LAMP1: variants seen among roughly 807,000 people sequenced by gnomAD.
The protein encoded by LAMP1 is lysosome-associated membrane glycoprotein 1.
Under a neutral mutation model 37.5 loss-of-function variants are expected in LAMP1, and 7 were observed. The observed-to-expected ratio is 0.19, with a 90% confidence interval of 0.11 to 0.35. The LOEUF is 0.35. Among genes scored for constraint, LAMP1 ranks in the 10% least tolerant of loss-of-function variants. The pLI is 1.00. For missense variants in LAMP1, 537 were observed against 552.8 expected (o/e 0.97, Z 0.29); for synonymous variants, 236 against 229.1 (o/e 1.03, Z -0.27).
At chr13:113,299,591 C>G (rs1291023775) in intron 1 of LAMP1, among the ~76,000 whole-genome samples, 1 of 126,826 alleles carries the variant, frequency 7.9e-6, no homozygotes, top group Non-Finnish European at 1.6e-5. Context: ...TTTTTTGAGG[C>G]AGAGTCTCAC....
At chr13:113,301,647 ATATATATATATATATATATAT>A (rs2042574566) in intron 1 of LAMP1, among the ~76,000 whole-genome samples, 12 of 394 alleles carry the variant, frequency 0.03, 3 homozygotes, top group African/African-American at 0.055. Context: ...AAAAAAAAAT[ATATATATATATATATATATAT>A]ATATATATAT....
rs916514852 is a variant in LAMP1, at chr13:113,321,034, A to T, written c.877-370A>T. The T allele has an allele frequency of 3.4e-6, 1 of 290,786 alleles. No homozygotes were observed. Among genetic ancestry groups the T allele is most frequent in the African/African-American group, 2.2e-5 (1 of 45,168 alleles). The allele number at this position is 290,786 out of a possible 1,614,324, so 18.0% of individuals were successfully genotyped here. A position where few individuals can be genotyped will look rare whatever the true frequency, so the allele number is the denominator to read the frequency against. On this transcript the variant is annotated intron_variant, in intron 6 of 8. Transcript: ENST00000332556. The surrounding 1 kb of genome is among the most constrained non-coding windows in gnomAD (Gnocchi z 5.6). ...ATTTCTGCAAATAATAAAACGAGTTAGCTGGGCGTAGTGGCGCACACCTGT... is the reference window on the plus strand; with the variant it reads ...ATTTCTGCAAATAATAAAACGAGTTTGCTGGGCGTAGTGGCGCACACCTGT...
At chr13:113,301,647 ATATATATATATAT>A (rs2042574535) in intron 1 of LAMP1, among the ~76,000 whole-genome samples, 1 of 394 alleles carries the variant, frequency 2.5e-3, no homozygotes, top group African/African-American at 4.6e-3. Context: ...AAAAAAAAAT[ATATATATATATAT>A]ATATATATAT....
chr13:113,305,100 A>C (rs1315047755), intron 1 of LAMP1: 1 of 152,256 alleles, frequency 6.6e-6, no homozygotes, highest in African/African-American at 2.4e-5. Flanking sequence ...CCCAAGGTTG[A>C]AATGAGTCGG....
rs570526864 is a variant in LAMP1, at chr13:113,306,969, AG to A, written c.183+364del. On this transcript the variant is annotated intron_variant, in intron 2 of 8. Transcript: ENST00000332556. ...ATTCTCCTGCCTCAGCCTCCCCAGT[AG>A]CTGGGGCTACAGGCGCTCGCCACCA... Among the ~76,000 whole-genome samples the A allele has an allele frequency of 8.3e-5, 12 of 144,814 alleles. No homozygotes were observed. The East Asian group carries it at 2.3e-3, about 28-fold the overall frequency.
At position 113,322,376 on chromosome 13, in the gene LAMP1, C is replaced by CACTGCTTCA; in HGVS notation, c.1209_1210insACTGCTTCA (p.Tyr403_Leu404insThrAlaSer). The CACTGCTTCA allele has an allele frequency of 1.2e-6, 2 of 1,604,132 alleles. No homozygotes were observed. Among genetic ancestry groups the CACTGCTTCA allele is most frequent in the South Asian group, 1.1e-5 (1 of 89,722 alleles). The stretch of plus-strand genomic sequence containing the variant: ...TGGTCCTCATCGTCCTCATCGCCTA[C>CACTGCTTCA]CTCGTCGGCAGGAAGAGGAGTCACG... On this transcript the variant is annotated inframe_insertion, in exon 9 of 9. Transcript: ENST00000332556.
intron 1 of LAMP1, among the ~76,000 whole-genome samples, chr13:113,301,647 ATATATATATATATATAT>A (rs2042574557): frequency 2.5e-3 from 1 of 394 alleles, no homozygotes; most frequent in African/African-American, 4.6e-3. Flanking sequence ...AAAAAAAAAT[ATATATATATATATATAT>A]ATATATATAT....
intron 1 of LAMP1, among the ~76,000 whole-genome samples, chr13:113,303,776 C>T (rs973230084): frequency 1.3e-5 from 2 of 152,062 alleles, no homozygotes; most frequent in African/African-American, 2.4e-5. Flanking sequence ...CTTTGTTTTC[C>T]TCTGAAAGCT....
At position 113,309,593 on chromosome 13, in the gene LAMP1, T is replaced by C; in HGVS notation, c.184-50T>C. 3 of 1,421,178 alleles carry C rather than the reference T, an allele frequency of 2.1e-6. 1 individual carries two copies. In the South Asian group the frequency reaches 3.7e-5, roughly 18 times the overall value. 88.0% of individuals were successfully genotyped at this position (1,421,178 alleles called of 1,614,324 possible). On this transcript the variant is annotated intron_variant, in intron 2 of 8. Transcript: ENST00000332556. ...TACAGAAAATCTCTTTCTTTGAACT[T>C]TTAATAACCTGCATCCCAATTGGGT...
intron 2 of LAMP1, among the ~76,000 whole-genome samples, chr13:113,307,472 G>T (rs937632211): frequency 1.3e-5 from 2 of 152,014 alleles, no homozygotes; most frequent in African/African-American, 4.8e-5. Flanking sequence ...TTTTCTTCGT[G>T]ATTGTCTTTT....
chr13:113,317,385 T>C (rs2042671850), intron 4 of LAMP1, among the ~76,000 whole-genome samples: 1 of 152,220 alleles, frequency 6.6e-6, no homozygotes, highest in Non-Finnish European at 1.5e-5. Flanking sequence ...GTAATTCAGG[T>C]AGAAGGACGA....
In LAMP1 at chr13:113,310,742, G is replaced by A; in HGVS notation, c.437G>A (p.Arg146Lys). ...IKTVESITDI[R>K]ADIDKKYRCV... ...ACTGTGGAATCTATAACTGACATCA[G>A]GGCAGATATAGATAAAAAATACAGA... The change falls in exon 4 of 9, where the codon AGG becomes AAG. Residue 146 changes from arginine (R) to lysine (K), a missense_variant. By Grantham distance (26) the Arg-to-Lys change is conservative. Coordinates refer to ENST00000332556, the MANE Select transcript of LAMP1 (RefSeq NM_005561.4). The A allele has an allele frequency of 3.1e-6, 5 of 1,612,316 alleles. No homozygotes were observed. The highest frequency in any genetic ancestry group is 4.2e-6 in the Non-Finnish European group (5 of 1,179,238).
chr13:113,319,924 A>C (rs2042688263), intron 5 of LAMP1, among the ~76,000 whole-genome samples: 1 of 152,244 alleles, frequency 6.6e-6, no homozygotes, highest in African/African-American at 2.4e-5. Flanking sequence ...AGAGCCTACA[A>C]CTTGGCCCCT....
chr13:113,297,747 A>G lies in LAMP1; in HGVS notation c.61+252A>G, dbSNP rs1391185730. ...ACCTGGCTCCTCTAAGGTCTGTCTCACTGAACTCAGTTTTTCTGTGGTGGT... is the reference window on the plus strand; with the variant it reads ...ACCTGGCTCCTCTAAGGTCTGTCTCGCTGAACTCAGTTTTTCTGTGGTGGT... On this transcript the variant is annotated intron_variant, in intron 1 of 8. Coordinates refer to ENST00000332556, the MANE Select transcript of LAMP1 (RefSeq NM_005561.4). The surrounding 1 kb of genome is among the most constrained non-coding windows in gnomAD (Gnocchi z 4.4). Among the ~76,000 whole-genome samples, 2 of 152,204 alleles carry G rather than the reference A, an allele frequency of 1.3e-5. No individual in the cohort carries two copies. Among genetic ancestry groups the G allele is most frequent in the Non-Finnish European group, 2.9e-5 (2 of 68,040 alleles).
At chr13:113,300,779 C>G (rs2042566877) in intron 1 of LAMP1, among the ~76,000 whole-genome samples, 1 of 152,190 alleles carries the variant, frequency 6.6e-6, no homozygotes, top group East Asian at 1.9e-4. Flanking sequence ...GATCGTGCCA[C>G]TGCTCTTCAG....
rs113679570 is a variant in LAMP1 at position 113,298,317 on chromosome 13, C to T, written c.61+822C>T. On this transcript the variant is annotated intron_variant, in intron 1 of 8. Transcript: ENST00000332556. ...CAATATTGTATTGACTAGTGAATTT[C>T]GTTCTCATTTATTGTCTTAATAAGA... Among the ~76,000 whole-genome samples, 831 of 152,212 alleles carry T rather than the reference C, an allele frequency of 5.5e-3. 12 individuals carry two copies. Among genetic ancestry groups the T allele is most frequent in the African/African-American group, 0.019 (791 of 41,512 alleles).
rs1295463207 is a variant in LAMP1 at position 113,301,693 on chromosome 13, TTAC to T, written c.61+4199_61+4201del. Among the ~76,000 whole-genome samples the T allele has an allele frequency of 2.9e-5, 4 of 135,782 alleles. No homozygotes were observed. In the East Asian group the frequency reaches 8.9e-4, roughly 30 times the overall value. The allele number at this position is 135,782 out of a possible 152,430, so 89.1% of individuals were successfully genotyped here. A position where few individuals can be genotyped will look rare whatever the true frequency, so the allele number is the denominator to read the frequency against. On this transcript the variant is annotated intron_variant, in intron 1 of 8. Coordinates refer to ENST00000332556, the MANE Select transcript of LAMP1 (RefSeq NM_005561.4). The stretch of plus-strand genomic sequence containing the variant: ...TATATATATATATATATATATATAT[TTAC>T]ACACACACACACTTATACCTTGCCT...
At chr13:113,316,638 G>A (rs1798579752) in intron 4 of LAMP1, among the ~76,000 whole-genome samples, 1 of 152,056 alleles carries the variant, frequency 6.6e-6, no homozygotes, top group South Asian at 2.1e-4. Flanking sequence ...AACCAGGATG[G>A]TCTTGATCTC....
At position 113,319,702 on chromosome 13, in the gene LAMP1, C is replaced by T. The variant is rs2042686949; in HGVS notation, c.750+46C>T. On this transcript the variant is annotated intron_variant, in intron 5 of 8. Transcript: ENST00000332556. ...GGGAGAGGGGGACGGCACGGTAGGG[C>T]TGGAGCCTCTGCTCCCTGTGCACTG... 3 of 1,557,114 alleles carry T rather than the reference C, an allele frequency of 1.9e-6. No homozygotes were observed. In the East Asian group the frequency reaches 6.7e-5, roughly 35 times the overall value.
Sources: allele counts gnomAD v4.1 joint callset (sites outside exome capture counted in the v4.1 genomes callset), GRCh38; gene constraint gnomAD v4.1.1; non-coding constraint Gnocchi (gnomAD v3.1); transcripts MANE v1.5; gene names NCBI Gene and HGNC (gene_info 2026-07-23, HGNC 2026-07-21).